MEGF8: variants seen among roughly 807,000 people sequenced by gnomAD.
MEGF8 encodes multiple EGF like domains 8, also known as multiple epidermal growth factor-like domains protein 8.
Under a neutral mutation model 302.9 loss-of-function variants are expected in MEGF8, and 156 were observed. The ratio of observed to expected loss-of-function variants is 0.52; its 90% confidence interval spans 0.45 to 0.59. The LOEUF (loss-of-function observed/expected upper bound fraction) is 0.59. Ranked by LOEUF, MEGF8 falls within the 20% of genes least tolerant of loss-of-function variation. The pLI is 0.00. For missense variants in MEGF8, 3,345 were observed against 3,964.5 expected, an observed-to-expected ratio of 0.84 and a Z score of 4.20; for synonymous variants, 1,621 against 1,660.5, an observed-to-expected ratio of 0.98 and a Z score of 0.58.
chr19:42,336,083 C>T lies in MEGF8; in HGVS notation c.981C>T (p.Ser327=). 1.3e-6 allele frequency: 2 copies of T among 1,599,882 alleles called. No individual in the cohort carries two copies. The highest frequency in any genetic ancestry group is 8.5e-7 in the Non-Finnish European group (1 of 1,176,236). Residue 327 remains serine, a synonymous_variant, in exon 6 of 42, where the codon AGC becomes AGT. Coordinates refer to ENST00000251268, the MANE Select transcript of MEGF8 (RefSeq NM_001271938.2). This position sits in a 1 kb window ranked among gnomAD's most constrained non-coding sequence, Gnocchi z 4.8. ...HWELLAPPAS[S]SSGPPGLAGH... Reference sequence around the variant, plus strand: ...AGCTCCTGGCACCACCTGCCTCCAGCTCCTCGGGGCCCCCAGGCCTGGCAG... The same window carrying T: ...AGCTCCTGGCACCACCTGCCTCCAGTTCCTCGGGGCCCCCAGGCCTGGCAG...
In MEGF8 at chr19:42,343,550, TG is replaced by T; in HGVS notation, c.1593del (p.Tyr532ThrfsTer9). ...VLGGSVLLVAGGYSGRPRGDL... is the reference protein window; with the variant it reads ...VLGGSVLLVAXGYSGRPRGDL... ...TTGGTGGCAGCGTCCTGTTGGTGGC[TG>T]GGGGGTACAGCGGCCGGCCCCGTGG... On this transcript the variant is annotated frameshift_variant, in exon 9 of 42. Transcript: ENST00000251268. LOFTEE classifies it high-confidence loss of function. 1.2e-6 allele frequency: 2 copies of T among 1,613,480 alleles called. No individual in the cohort carries two copies. Among genetic ancestry groups the T allele is most frequent in the Non-Finnish European group, 8.5e-7 (1 of 1,179,716 alleles).
In MEGF8 at chr19:42,352,076, CTCTG is replaced by C; in HGVS notation, c.3102-128_3102-125del. 8.1e-7 allele frequency: 1 copy of C among 1,231,172 alleles called. No homozygotes were observed. 76.3% of individuals were successfully genotyped at this position (1,231,172 alleles called of 1,614,324 possible). A position where few individuals can be genotyped will look rare whatever the true frequency, so the allele number is the denominator to read the frequency against. On this transcript the variant is annotated intron_variant, in intron 18 of 41. Coordinates refer to ENST00000251268, the MANE Select transcript of MEGF8 (RefSeq NM_001271938.2). The surrounding 1 kb of genome is among the most constrained non-coding windows in gnomAD (Gnocchi z 4.4). Reference sequence around the variant, plus strand: ...TTTTGTCTGCGACTTCTCCTGGTTTCTCTGTCTCTCTTTCCAAATTTGTATTTGC... The same window carrying C: ...TTTTGTCTGCGACTTCTCCTGGTTTCTCTCTCTTTCCAAATTTGTATTTGC...
intron 12 of MEGF8, among the ~76,000 whole-genome samples, chr19:42,347,794 T>A (rs1477201165): frequency 6.6e-6 from 1 of 152,076 alleles, no homozygotes. Context: ...TTTTTTTTTT[T>A]AAGTTGTATA....
chr19:42,358,845 A>AGCAGCCTGGGTC lies in MEGF8; in HGVS notation c.5235_5246dup (p.Gln1746_Ser1749dup). ...CGGGGTCTGGGCCAAGTTCCTGGGG[A>AGCAGCCTGGGTC]GCAGCCTGGGTCATGGGGGTTCCGG... is the stretch of plus-strand genomic sequence containing the variant. On this transcript the variant is annotated inframe_insertion, in exon 30 of 42. Transcript: ENST00000251268. This position sits in a 1 kb window ranked among gnomAD's most constrained non-coding sequence, Gnocchi z 4.4. The AGCAGCCTGGGTC allele has an allele frequency of 6.2e-7, 1 of 1,604,920 alleles. No individual in the cohort carries two copies. The highest frequency in any genetic ancestry group is 8.5e-7 in the Non-Finnish European group (1 of 1,176,058).
At position 42,347,611 on chromosome 19, in the gene MEGF8, G is replaced by C. The variant is rs902495610; in HGVS notation, c.2098-661G>C. On this transcript the variant is annotated intron_variant, in intron 12 of 41. Transcript: ENST00000251268. ...GGGTTTGAACGATTCTCCTGCCTCAGGCTCCCAAGTAGCTGGGATTACAAG... is the reference window on the plus strand; with the variant it reads ...GGGTTTGAACGATTCTCCTGCCTCACGCTCCCAAGTAGCTGGGATTACAAG... Among the ~76,000 whole-genome samples the C allele has an allele frequency of 2.0e-5, 3 of 152,156 alleles. No individual in the cohort carries two copies. In the South Asian group the frequency reaches 6.2e-4, roughly 32 times the overall value.
In MEGF8 at chr19:42,375,210, G is replaced by A. The variant is rs2039748351; in HGVS notation, c.7270-297G>A. ...CACAGCTAACAAGGAGGTAGAGCCA[G>A]AATGCAGCCGCGTTCTTCACTGCTG... On this transcript the variant is annotated intron_variant, in intron 41 of 41. Coordinates refer to ENST00000251268, the MANE Select transcript of MEGF8 (RefSeq NM_001271938.2). The surrounding 1 kb of genome is among the most constrained non-coding windows in gnomAD (Gnocchi z 7.1). 6.6e-6 allele frequency among the ~76,000 whole-genome samples: 1 copy of A among 152,232 alleles called. No homozygotes were observed. Among genetic ancestry groups the A allele is most frequent in the Non-Finnish European group, 1.5e-5 (1 of 68,028 alleles).
At chr19:42,366,157 A>G (rs2039602975) in intron 35 of MEGF8, among the ~76,000 whole-genome samples, 1 of 152,180 alleles carries the variant, frequency 6.6e-6, no homozygotes, top group Admixed American at 6.6e-5. Context: ...GATACCTGTT[A>G]TGATTTGGCT....
In MEGF8 at chr19:42,376,348, T is replaced by G. The variant is rs1408047750; in HGVS notation, c.8111T>G (p.Phe2704Cys). Residue 2704 changes from phenylalanine to cysteine, a missense_variant, in exon 42 of 42, where the codon TTC becomes TGC. Physicochemically the swap from Phe to Cys is radical, Grantham distance 205. Coordinates refer to ENST00000251268, the MANE Select transcript of MEGF8 (RefSeq NM_001271938.2). The surrounding 1 kb of genome is among the most constrained non-coding windows in gnomAD (Gnocchi z 8.2). The stretch of plus-strand genomic sequence containing the variant: ...CCCTTCGCCAAGGTCACCGTCTGCT[T>G]CCCACCTGACCCTACTGCCCCGGCC... ...SRPFAKVTVC[F>C]PPDPTAPASA... 6.2e-7 allele frequency: 1 copy of G among 1,613,556 alleles called. No homozygotes were observed. The highest frequency in any genetic ancestry group is 8.5e-7 in the Non-Finnish European group (1 of 1,179,832).
Position 42,369,474 on chromosome 19 carries a change from G to T in MEGF8, c.6642-57G>T, listed in dbSNP as rs2039654578. 4 of 1,551,598 alleles carry T rather than the reference G, an allele frequency of 2.6e-6. No individual in the cohort carries two copies. The Admixed American group carries it at 6.9e-5, about 27-fold the overall frequency. On this transcript the variant is annotated intron_variant, in intron 37 of 41. Coordinates refer to ENST00000251268, the MANE Select transcript of MEGF8 (RefSeq NM_001271938.2). The surrounding 1 kb of genome is among the most constrained non-coding windows in gnomAD (Gnocchi z 5.7). Reference sequence around the variant, plus strand: ...GGTGGGGTAGTTGGTTGGGTGCTAGGCCATGAAGCCACGAGGAGGGTGGCC... The same window carrying T: ...GGTGGGGTAGTTGGTTGGGTGCTAGTCCATGAAGCCACGAGGAGGGTGGCC...
Position 42,351,185 on chromosome 19 carries a change from G to A in MEGF8, c.2737-31G>A, listed in dbSNP as rs546652120. On this transcript the variant is annotated intron_variant, in intron 15 of 41. Coordinates refer to ENST00000251268, the MANE Select transcript of MEGF8 (RefSeq NM_001271938.2). The surrounding 1 kb of genome is among the most constrained non-coding windows in gnomAD (Gnocchi z 5.6). ...AGTCCAAAGGAAAGGGCTGAGTGGG[G>A]TTCTGACTCCTCTGCCCAACTGACC... 51 of 1,539,372 alleles carry A rather than the reference G, an allele frequency of 3.3e-5. No individual in the cohort carries two copies. In the East Asian group the frequency reaches 1.0e-3, roughly 30 times the overall value.
chr19:42,368,488 A>G lies in MEGF8; in HGVS notation c.6307A>G (p.Met2103Val), dbSNP rs368780512. The G allele has an allele frequency of 2.5e-5, 41 of 1,609,870 alleles. No homozygotes were observed. The African/African-American group carries it at 3.9e-4, about 15-fold the overall frequency. Reference sequence around the variant, plus strand: ...CCCTTCCTACCTGCCCCTGCGATGTATGGCCGGAGGCTGTGGGCGGCTGCT... The same window carrying G: ...CCCTTCCTACCTGCCCCTGCGATGTGTGGCCGGAGGCTGTGGGCGGCTGCT... ...LSPSYLPLRC[M>V]AGGCGRLLRG... The change falls in exon 36 of 42, where the codon ATG (methionine) becomes GTG (valine). Residue 2103 changes from methionine (M) to valine (V), a missense_variant. Physicochemically the swap from Met to Val is conservative, Grantham distance 21 (BLOSUM62 1). Transcript: ENST00000251268. This position sits in a 1 kb window ranked among gnomAD's most constrained non-coding sequence, Gnocchi z 4.9.
intron 33 of MEGF8, 21 bp from the exon 34 acceptor site, chr19:42,362,363 T>C: frequency 6.2e-7 from 1 of 1,613,712 alleles, no homozygotes; most frequent in Non-Finnish European, 8.5e-7. Flanking sequence ...GGGTCCCATC[T>C]AGCCTGTCTT....
chr19:42,369,184 T>C lies in MEGF8; in HGVS notation c.6641+182T>C, dbSNP rs2039649971. On this transcript the variant is annotated intron_variant, in intron 37 of 41. Transcript: ENST00000251268. The surrounding 1 kb of genome is among the most constrained non-coding windows in gnomAD (Gnocchi z 5.7). ...GCTGAGCAGGGAAGAGTGAGTTTCA[T>C]AGGGTACCCCAATGGCCGGGCACAG... 1.3e-5 allele frequency among the ~76,000 whole-genome samples: 2 copies of C among 152,228 alleles called. No homozygotes were observed. Among genetic ancestry groups the C allele is most frequent in the South Asian group, 4.1e-4 (2 of 4,826 alleles).
At chr19:42,348,797 T>C (rs1170226261) in intron 13 of MEGF8, among the ~76,000 whole-genome samples, 1 of 152,242 alleles carries the variant, frequency 6.6e-6, no homozygotes, top group African/African-American at 2.4e-5. Context: ...AGATGGGTTT[T>C]CACCATGTTG....
chr19:42,343,670 A>G (rs1049991746), intron 9 of MEGF8, 39 bp downstream of exon 9: 5 of 1,550,230 alleles, frequency 3.2e-6, no homozygotes, highest in Non-Finnish European at 2.6e-6. Context: ...GGCTGGGGGG[A>G]GGAGGTAGCA....
At position 42,375,383 on chromosome 19, in the gene MEGF8, TG is replaced by T; in HGVS notation, c.7270-119del. 2.0e-6 allele frequency: 2 copies of T among 1,010,840 alleles called. No homozygotes were observed. Among genetic ancestry groups the T allele is most frequent in the Non-Finnish European group, 2.8e-6 (2 of 709,590 alleles). The allele number at this position is 1,010,840 out of a possible 1,614,324, so 62.6% of individuals were successfully genotyped here. A position where few individuals can be genotyped will look rare whatever the true frequency, so the allele number is the denominator to read the frequency against. On this transcript the variant is annotated intron_variant, in intron 41 of 41. Coordinates refer to ENST00000251268, the MANE Select transcript of MEGF8 (RefSeq NM_001271938.2). The surrounding 1 kb of genome is among the most constrained non-coding windows in gnomAD (Gnocchi z 7.1). ...GGTCACAGGGAAGTGACTGGGGCAG[TG>T]GGGGTGAGGCCCAGGGCAATGGCTA...
rs183986572 is a variant in MEGF8 at position 42,333,745 on chromosome 19, C to A, written c.328C>A (p.Pro110Thr). 91 of 1,613,928 alleles carry A rather than the reference C, an allele frequency of 5.6e-5. No homozygotes were observed. In the African/African-American group the frequency reaches 1.1e-3, roughly 20 times the overall value. The change falls in exon 2 of 42, where the codon CCC becomes ACC. Residue 110 changes from proline (P) to threonine (T), a missense_variant. Physicochemically the swap from Pro to Thr is conservative, Grantham distance 38 (BLOSUM62 -1). Transcript: ENST00000251268. ...TCTAAGTGGGAGCACCCGACCTCCG[C>A]CCATCGAAGCTTCCTCAGGCAAGGT... The part of the protein sequence containing the change: ...ASLSGSTRPP[P>T]IEASSGKMLL...
chr19:42,343,500 C>T lies in MEGF8; in HGVS notation c.1537C>T (p.Arg513Trp), dbSNP rs1197238420. Residue 513 changes from arginine to tryptophan, a missense_variant, in exon 9 of 42, where the codon CGG becomes TGG. Arg to Trp is a moderately radical substitution (Grantham distance 101). Coordinates refer to ENST00000251268, the MANE Select transcript of MEGF8 (RefSeq NM_001271938.2). Reference protein sequence around the residue: ...PEGRAAPPSGRYSHVAAVLGG... With the variant: ...PEGRAAPPSGWYSHVAAVLGG... Reference sequence around the variant, plus strand: ...AGGCCGAGCAGCGCCTCCCAGTGGTCGGTACTCACATGTAGCTGCGGTGCT... The same window carrying T: ...AGGCCGAGCAGCGCCTCCCAGTGGTTGGTACTCACATGTAGCTGCGGTGCT... 5 of 1,608,956 alleles carry T rather than the reference C, an allele frequency of 3.1e-6. No individual in the cohort carries two copies. The highest frequency in any genetic ancestry group is 3.4e-6 in the Non-Finnish European group (4 of 1,176,266).
At chr19:42,367,280 T>C (rs375371211) in intron 35 of MEGF8, among the ~76,000 whole-genome samples, 15 of 150,966 alleles carry the variant, frequency 9.9e-5, no homozygotes, top group African/African-American at 3.2e-4. Context: ...TTCTTGTCTT[T>C]TCTTTCTTTC....
Sources: allele counts gnomAD v4.1 joint callset (sites outside exome capture counted in the v4.1 genomes callset), GRCh38; gene constraint gnomAD v4.1.1; non-coding constraint Gnocchi (gnomAD v3.1); transcripts MANE v1.5; gene names NCBI Gene and HGNC (gene_info 2026-07-23, HGNC 2026-07-21).